The following FRAT2 variants were observed in gnomAD, a reference collection of about 807,000 sequenced individuals.
FRAT2 encodes the protein GSK-3-binding protein FRAT2.
For synonymous variants in FRAT2, 205 were observed against 171.5 expected, an observed-to-expected ratio of 1.20 and a Z score of -1.53; for missense variants, 326 against 340.8, an observed-to-expected ratio of 0.96 and a Z score of 0.34.
In FRAT2 at chr10:97,333,886, T is replaced by A; in HGVS notation, c.687A>T (p.Ser229=). Residue 229 remains serine (S), a synonymous_variant, in exon 1 of 1, where the codon TCA becomes TCT. Coordinates refer to ENST00000371019, the MANE Select transcript of FRAT2 (RefSeq NM_012083.3). ...GAGGCCTGCGTCAGAGCAAGGAGCC[T>A]GAGGGCTGCAGGGCAATGCGGTCAG... is the stretch of plus-strand genomic sequence containing the variant. ...SGPDRIALQP[S]GSLL The A allele has an allele frequency of 6.5e-7, 1 of 1,542,076 alleles. No individual in the cohort carries two copies. Among genetic ancestry groups the A allele is most frequent in the Non-Finnish European group, 8.7e-7 (1 of 1,149,948 alleles).
In FRAT2 at chr10:97,334,246, C is replaced by T. The variant is rs1843555067; in HGVS notation, c.327G>A (p.Gly109=). The T allele has an allele frequency of 1.7e-6, 2 of 1,198,086 alleles. No individual in the cohort carries two copies. The highest frequency in any genetic ancestry group is 2.1e-6 in the Non-Finnish European group (2 of 967,632). 74.2% of individuals were successfully genotyped at this position (1,198,086 alleles called of 1,614,324 possible). The change falls in exon 1 of 1, where the codon GGG becomes GGA. Residue 109 remains glycine, a synonymous_variant. Transcript: ENST00000371019. The part of the protein sequence containing the change: ...SAETVGPAPS[G]ALRCALGDRG... ...GGTCCCCTAGGGCGCAGCGCAGGGC[C>T]CCAGAGGGCGCCGGGCCCACCGTCT...
In FRAT2 at chr10:97,333,965, AC is replaced by A; in HGVS notation, c.607del (p.Val203LeufsTer45). The A allele has an allele frequency of 6.3e-7, 1 of 1,580,016 alleles. No homozygotes were observed. On this transcript the variant is annotated frameshift_variant, in exon 1 of 1. Coordinates refer to ENST00000371019, the MANE Select transcript of FRAT2 (RefSeq NM_012083.3). LOFTEE classifies it low-confidence loss of function (END_TRUNC). Reference protein sequence around the residue: ...VRRLQRAVAAVAATGPASAPG... With the variant: ...VRRLQRAVAAXAATGPASAPG... ...GGCGCTTGCGGGGCCCGTGGCTGCA[AC>A]CGCGGCGACGGCTCGTTGGAGTCTC...
At position 97,333,824 on chromosome 10, in the gene FRAT2, G is replaced by T. The variant is rs539180495; in HGVS notation, c.*47C>A. ...TCAGAGTTAGTAGGAACTGGACGCTGTTGGGTCTACGCAGCGGCCTCCACT... is the reference window on the plus strand; with the variant it reads ...TCAGAGTTAGTAGGAACTGGACGCTTTTGGGTCTACGCAGCGGCCTCCACT... On this transcript the variant is annotated 3_prime_UTR_variant, in exon 1 of 1. Transcript: ENST00000371019. The T allele has an allele frequency of 7.0e-7, 1 of 1,428,934 alleles. No individual in the cohort carries two copies. Among genetic ancestry groups the T allele is most frequent in the South Asian group, 1.4e-5 (1 of 69,270 alleles). The allele number at this position is 1,428,934 out of a possible 1,614,324, so 88.5% of individuals were successfully genotyped here. A position where few individuals can be genotyped will look rare whatever the true frequency, so the allele number is the denominator to read the frequency against.
Position 97,333,711 on chromosome 10 carries a change from G to A in FRAT2, c.*160C>T, listed in dbSNP as rs1843546407. 1.4e-6 allele frequency: 1 copy of A among 704,984 alleles called. No individual in the cohort carries two copies. Among genetic ancestry groups the A allele is most frequent in the Non-Finnish European group, 2.1e-6 (1 of 482,622 alleles). 43.7% of individuals were successfully genotyped at this position (704,984 alleles called of 1,614,324 possible). On this transcript the variant is annotated 3_prime_UTR_variant, in exon 1 of 1. Coordinates refer to ENST00000371019, the MANE Select transcript of FRAT2 (RefSeq NM_012083.3). Reference sequence around the variant, plus strand: ...AGTTTTCTCCGACGGCCTCGCCGCGGCTGGTAACTTCTCTGGTTGAGATCT... The same window carrying A: ...AGTTTTCTCCGACGGCCTCGCCGCGACTGGTAACTTCTCTGGTTGAGATCT...
chr10:97,334,707 C>T lies in FRAT2; in HGVS notation c.-135G>A, dbSNP rs967418599. ...GCCCGCCAGGCACTCGAGCCACGCG[C>T]CTGCAGCCGCTGGAGCCGGAATCCT... On this transcript the variant is annotated 5_prime_UTR_variant, in exon 1 of 1. Transcript: ENST00000371019. The T allele has an allele frequency of 1.5e-5, 16 of 1,069,832 alleles. No homozygotes were observed. In the South Asian group the frequency reaches 4.5e-4, roughly 30 times the overall value. The allele number at this position is 1,069,832 out of a possible 1,614,324, so 66.3% of individuals were successfully genotyped here.
chr10:97,334,088 C>A lies in FRAT2; in HGVS notation c.485G>T (p.Arg162Leu), dbSNP rs762620758. Reference sequence around the variant, plus strand: ...GGCGCGTGCCCCGGCTTGGGTCCATCGGCGCTGCTGCAAGCGGCGGGAGGT... The same window carrying A: ...GGCGCGTGCCCCGGCTTGGGTCCATAGGCGCTGCTGCAAGCGGCGGGAGGT... ...AVTSRRLQQR[R>L]WTQAGARAGD... is the part of the protein sequence containing the mutation. Residue 162 changes from arginine (R) to leucine (L), a missense_variant, in exon 1 of 1, where the codon CGA becomes CTA. By Grantham distance (102) the Arg-to-Leu change is moderately radical. Coordinates refer to ENST00000371019, the MANE Select transcript of FRAT2 (RefSeq NM_012083.3). 1.9e-6 allele frequency: 3 copies of A among 1,591,206 alleles called. No individual in the cohort carries two copies. In the African/African-American group the frequency reaches 4.0e-5, roughly 21 times the overall value.
chr10:97,333,344 A>G lies in FRAT2; in HGVS notation c.*527T>C, dbSNP rs1313360233. Reference sequence around the variant, plus strand: ...ACCGAATCGGTGGGAAAAAGGGGCAATGCCAAGCCACCCACCACCAAACTT... The same window carrying G: ...ACCGAATCGGTGGGAAAAAGGGGCAGTGCCAAGCCACCCACCACCAAACTT... On this transcript the variant is annotated 3_prime_UTR_variant, in exon 1 of 1. Transcript: ENST00000371019. The G allele has an allele frequency of 6.6e-6, 1 of 152,500 alleles. No individual in the cohort carries two copies. Among genetic ancestry groups the G allele is most frequent in the African/African-American group, 2.4e-5 (1 of 41,472 alleles). The allele number at this position is 152,500 out of a possible 1,614,324, so 9.4% of individuals were successfully genotyped here.
In FRAT2 at chr10:97,333,764, G is replaced by A. The variant is rs1843546879; in HGVS notation, c.*107C>T. 4 of 1,253,846 alleles carry A rather than the reference G, an allele frequency of 3.2e-6. No homozygotes were observed. Among genetic ancestry groups the A allele is most frequent in the Middle Eastern group, 2.9e-4 (1 of 3,420 alleles). 77.7% of individuals were successfully genotyped at this position (1,253,846 alleles called of 1,614,324 possible). A position where few individuals can be genotyped will look rare whatever the true frequency, so the allele number is the denominator to read the frequency against. On this transcript the variant is annotated 3_prime_UTR_variant, in exon 1 of 1. Coordinates refer to ENST00000371019, the MANE Select transcript of FRAT2 (RefSeq NM_012083.3). Reference sequence around the variant, plus strand: ...CCCCACGCGCCTCCCCGCAGCCAAAGTGGTCGCTCCCAGGCTGGCGACGTC... The same window carrying A: ...CCCCACGCGCCTCCCCGCAGCCAAAATGGTCGCTCCCAGGCTGGCGACGTC...
In FRAT2 at chr10:97,333,130, AAG is replaced by A. The variant is rs953411332; in HGVS notation, c.*739_*740del. ...GCACCAACAGGGCTCTTCTTGGAGC[AAG>A]AGAAAGAAAAGACTCCGGGGTGAGT... On this transcript the variant is annotated 3_prime_UTR_variant, in exon 1 of 1. Coordinates refer to ENST00000371019, the MANE Select transcript of FRAT2 (RefSeq NM_012083.3). 1 of 152,254 alleles carries A rather than the reference AAG, an allele frequency of 6.6e-6. No individual in the cohort carries two copies. The highest frequency in any genetic ancestry group is 2.4e-5 in the African/African-American group (1 of 41,462). The allele number at this position is 152,254 out of a possible 1,614,324, so 9.4% of individuals were successfully genotyped here.
At position 97,333,288 on chromosome 10, in the gene FRAT2, T is replaced by C. The variant is rs1843542340; in HGVS notation, c.*583A>G. On this transcript the variant is annotated 3_prime_UTR_variant, in exon 1 of 1. Coordinates refer to ENST00000371019, the MANE Select transcript of FRAT2 (RefSeq NM_012083.3). The stretch of plus-strand genomic sequence containing the variant: ...TCTTCACCTCTCTCCAGTCCCTTAA[T>C]TGGAGTTCACATCTCCCACCTTCAC... The C allele has an allele frequency of 6.6e-6, 1 of 152,178 alleles. No homozygotes were observed. The highest frequency in any genetic ancestry group is 1.5e-5 in the Non-Finnish European group (1 of 68,052). The allele number at this position is 152,178 out of a possible 1,614,324, so 9.4% of individuals were successfully genotyped here.
rs1843548143 is a variant in FRAT2 at position 97,333,875 on chromosome 10, A to G, written c.698T>C (p.Leu233Pro). 19 of 1,522,260 alleles carry G rather than the reference A, an allele frequency of 1.2e-5. No homozygotes were observed. Among genetic ancestry groups the G allele is most frequent in the Non-Finnish European group, 1.7e-5 (19 of 1,139,102 alleles). The allele number at this position is 1,522,260 out of a possible 1,614,324, so 94.3% of individuals were successfully genotyped here. The change falls in exon 1 of 1, where the codon CTC becomes CCC. Residue 233 changes from leucine to proline, a missense_variant. By Grantham distance (98) the Leu-to-Pro change is moderately conservative (BLOSUM62 -3). Coordinates refer to ENST00000371019, the MANE Select transcript of FRAT2 (RefSeq NM_012083.3). The stretch of plus-strand genomic sequence containing the variant: ...TCCTCCTCCAGGAGGCCTGCGTCAG[A>G]GCAAGGAGCCTGAGGGCTGCAGGGC... ...RIALQPSGSL[L>P] is the part of the protein sequence containing the mutation.
In FRAT2 at chr10:97,334,458, C is replaced by G. The variant is rs2134973577; in HGVS notation, c.115G>C (p.Glu39Gln). 6.7e-7 allele frequency: 1 copy of G among 1,489,362 alleles called. No individual in the cohort carries two copies. Among genetic ancestry groups the G allele is most frequent in the East Asian group, 2.9e-5 (1 of 34,674 alleles). The allele number at this position is 1,489,362 out of a possible 1,614,324, so 92.3% of individuals were successfully genotyped here. ...ATCTGGGCCACCAGCCGGTCCACCT[C>G]GCCCGAGCTGCCCAGCGTCACCGAC... ...QQSVTLGSSGEVDRLVAQIGE... is the reference protein window; with the variant it reads ...QQSVTLGSSGQVDRLVAQIGE... Residue 39 changes from glutamate to glutamine, a missense_variant, in exon 1 of 1, where the codon GAG becomes CAG. Transcript: ENST00000371019.
Position 97,333,687 on chromosome 10 carries a change from G to A in FRAT2, c.*184C>T. 2 of 590,064 alleles carry A rather than the reference G, an allele frequency of 3.4e-6. No individual in the cohort carries two copies. Among genetic ancestry groups the A allele is most frequent in the Non-Finnish European group, 5.4e-6 (2 of 370,668 alleles). The allele number at this position is 590,064 out of a possible 1,614,324, so 36.6% of individuals were successfully genotyped here. On this transcript the variant is annotated 3_prime_UTR_variant, in exon 1 of 1. Transcript: ENST00000371019. ...GGCGCATACATTTCTCCACGCTTAA[G>A]TTTTCTCCGACGGCCTCGCCGCGGC... is the stretch of plus-strand genomic sequence containing the variant.
chr10:97,333,147 C>T lies in FRAT2; in HGVS notation c.*724G>A, dbSNP rs1007522614. On this transcript the variant is annotated 3_prime_UTR_variant, in exon 1 of 1. Coordinates refer to ENST00000371019, the MANE Select transcript of FRAT2 (RefSeq NM_012083.3). Reference sequence around the variant, plus strand: ...CTTGGAGCAAGAGAAAGAAAAGACTCCGGGGTGAGTAAGCTCTCCCAGGAA... The same window carrying T: ...CTTGGAGCAAGAGAAAGAAAAGACTTCGGGGTGAGTAAGCTCTCCCAGGAA... 3 of 152,260 alleles carry T rather than the reference C, an allele frequency of 2.0e-5. No individual in the cohort carries two copies. Among genetic ancestry groups the T allele is most frequent in the Admixed American group, 2.0e-4 (3 of 15,278 alleles). The allele number at this position is 152,260 out of a possible 1,614,324, so 9.4% of individuals were successfully genotyped here.
rs1269252922 is a variant in FRAT2, at chr10:97,334,306, CG to C, written c.266del (p.Pro89ArgfsTer27). The C allele has an allele frequency of 1.8e-6, 2 of 1,133,154 alleles. No individual in the cohort carries two copies. Among genetic ancestry groups the C allele is most frequent in the East Asian group, 4.9e-5 (1 of 20,524 alleles). The allele number at this position is 1,133,154 out of a possible 1,614,324, so 70.2% of individuals were successfully genotyped here. The part of the protein sequence containing the change: ...AAVPADKARP[P>X]AVPLLLPPAS... The stretch of plus-strand genomic sequence containing the variant: ...CGGGCGGCAGCAGCAGCGGCACCGC[CG>C]GGGGCCGGGCCTTGTCCGCCGGCAC... On this transcript the variant is annotated frameshift_variant, in exon 1 of 1. Transcript: ENST00000371019. LOFTEE classifies it low-confidence loss of function (END_TRUNC).
Position 97,334,639 on chromosome 10 carries a change from AG to A in FRAT2, c.-68del, listed in dbSNP as rs983577202. Reference sequence around the variant, plus strand: ...GGGGCTTGGTTGCCCGCGGGCGCGGAGCTGCGGGCGAAGCCGGAGCAGGGGC... The same window carrying A: ...GGGGCTTGGTTGCCCGCGGGCGCGGACTGCGGGCGAAGCCGGAGCAGGGGC... On this transcript the variant is annotated 5_prime_UTR_variant, in exon 1 of 1. Transcript: ENST00000371019. 5.9e-5 allele frequency: 77 copies of A among 1,300,646 alleles called. No individual in the cohort carries two copies. Among genetic ancestry groups the A allele is most frequent in the Non-Finnish European group, 7.1e-5 (73 of 1,021,290 alleles). The allele number at this position is 1,300,646 out of a possible 1,614,324, so 80.6% of individuals were successfully genotyped here.
chr10:97,334,204 T>C lies in FRAT2; in HGVS notation c.369A>G (p.Gly123=). The change falls in exon 1 of 1, where the codon GGA becomes GGG. Residue 123 remains glycine, a synonymous_variant. Transcript: ENST00000371019. ...CCGCCACGCAGTAGGGCGCAGCGCGTCCGCGCACGCGGCCGCGGTCCCCTA... is the reference window on the plus strand; with the variant it reads ...CCGCCACGCAGTAGGGCGCAGCGCGCCCGCGCACGCGGCCGCGGTCCCCTA... The part of the protein sequence containing the change: ...CALGDRGRVR[G]RAAPYCVAEV... 1 of 1,261,308 alleles carries C rather than the reference T, an allele frequency of 7.9e-7. No homozygotes were observed. The highest frequency in any genetic ancestry group is 9.9e-7 in the Non-Finnish European group (1 of 1,007,288). The allele number at this position is 1,261,308 out of a possible 1,614,324, so 78.1% of individuals were successfully genotyped here. A position where few individuals can be genotyped will look rare whatever the true frequency, so the allele number is the denominator to read the frequency against.
At position 97,333,684 on chromosome 10, in the gene FRAT2, T is replaced by G. The variant is rs561107297; in HGVS notation, c.*187A>C. The G allele has an allele frequency of 1.9e-5, 11 of 575,142 alleles. No individual in the cohort carries two copies. The African/African-American group carries it at 2.1e-4, about 11-fold the overall frequency. The allele number at this position is 575,142 out of a possible 1,614,324, so 35.6% of individuals were successfully genotyped here. On this transcript the variant is annotated 3_prime_UTR_variant, in exon 1 of 1. Coordinates refer to ENST00000371019, the MANE Select transcript of FRAT2 (RefSeq NM_012083.3). ...CCTGGCGCATACATTTCTCCACGCT[T>G]AAGTTTTCTCCGACGGCCTCGCCGC...
At position 97,334,133 on chromosome 10, in the gene FRAT2, C is replaced by T; in HGVS notation, c.440G>A (p.Gly147Glu). 1 of 1,533,050 alleles carries T rather than the reference C, an allele frequency of 6.5e-7. No individual in the cohort carries two copies. The highest frequency in any genetic ancestry group is 8.7e-7 in the Non-Finnish European group (1 of 1,149,336). 95.0% of individuals were successfully genotyped at this position (1,533,050 alleles called of 1,614,324 possible). Residue 147 changes from glycine to glutamate, a missense_variant, in exon 1 of 1, where the codon GGA becomes GAA. Transcript: ENST00000371019. ...GGAGGTGACCGCGTCCCTGAGCCAT[C>T]CTCGCCGGCACGGCCCCGGCAGCGC... is the stretch of plus-strand genomic sequence containing the variant. Reference protein sequence around the residue: ...PSALPGPCRRGWLRDAVTSRR... With the variant: ...PSALPGPCRREWLRDAVTSRR...
Sources: allele counts gnomAD v4.1 joint callset, GRCh38; gene constraint gnomAD v4.1.1; transcripts MANE v1.5; gene names NCBI Gene and HGNC (gene_info 2026-07-23, HGNC 2026-07-21).